Variants in MSH4 observed in about 807,000 individuals in gnomAD.
The protein encoded by MSH4 is mutS homolog 4.
In MSH4, 106 loss-of-function variants were observed where a neutral mutation model predicts 113.7. The ratio of observed to expected loss-of-function variants is 0.93; its 90% CI spans 0.80 to 1.10. The LOEUF (loss-of-function observed/expected upper bound fraction) is 1.10. Among genes scored for constraint, MSH4 ranks in the 50% least tolerant of loss-of-function variants. The pLI, the probability that MSH4 is intolerant of heterozygous loss-of-function variation, is 0.00. For synonymous variants in MSH4, 368 were observed against 380.2 expected, an observed-to-expected ratio of 0.97 and a Z score of 0.37; for missense variants, 1,061 against 1,093.7, an observed-to-expected ratio of 0.97 and a Z score of 0.42.
At chr1:75,822,902 T>A (rs1251274) in intron 7 of MSH4, among the ~76,000 whole-genome samples, 1 of 151,980 alleles carries the variant, frequency 6.6e-6, no homozygotes, top group Non-Finnish European at 1.5e-5. Flanking sequence ...GAAGATTTGT[T>A]CAGACTACGT....
chr1:75,862,214 G>T (rs1437616161), intron 8 of MSH4, among the ~76,000 whole-genome samples: 5 of 152,184 alleles, frequency 3.3e-5, no homozygotes, highest in Non-Finnish European at 7.4e-5. Context: ...CTAGGAAAGA[G>T]AAATCCCCCC....
At chr1:75,902,387 G>T (rs1277880255) in intron 19 of MSH4, among the ~76,000 whole-genome samples, 1 of 151,688 alleles carries the variant, frequency 6.6e-6, no homozygotes, top group Non-Finnish European at 1.5e-5. Flanking sequence ...CCCAGTGACA[G>T]TTATTTCCAT....
rs764272627 is a variant in MSH4 at position 75,822,469 on chromosome 1, A to G, written c.1050A>G (p.Arg350=). 2 of 1,587,196 alleles carry G rather than the reference A, an allele frequency of 1.3e-6. No homozygotes were observed. Among genetic ancestry groups the G allele is most frequent in the Non-Finnish European group, 1.7e-6 (2 of 1,168,728 alleles). Residue 350 remains arginine (R), a synonymous_variant, in exon 7 of 20, where the codon CGA becomes CGG. Transcript: ENST00000263187. ...NYTKTPGGSR[R]LRSNILEPLV... Reference sequence around the variant, plus strand: ...CTAAGACTCCTGGAGGGAGTAGACGACTTCGTTCTAATATATTAGAGCCTC... The same window carrying G: ...CTAAGACTCCTGGAGGGAGTAGACGGCTTCGTTCTAATATATTAGAGCCTC...
At position 75,855,748 on chromosome 1, in the gene MSH4, A is replaced by C. The variant is rs372492117; in HGVS notation, c.1230+7472A>C. Among the ~76,000 whole-genome samples the C allele has an allele frequency of 3.9e-4, 60 of 152,308 alleles. 1 individual carries two copies. Among genetic ancestry groups the C allele is most frequent in the African/African-American group, 1.4e-3 (59 of 41,570 alleles). ...CACTCCAGTATTACATCATTGTAACAATTACTAACCTCTGGAATGACCCTA... is the reference window on the plus strand; with the variant it reads ...CACTCCAGTATTACATCATTGTAACCATTACTAACCTCTGGAATGACCCTA... On this transcript the variant is annotated intron_variant, in intron 8 of 19. Coordinates refer to ENST00000263187, the MANE Select transcript of MSH4 (RefSeq NM_002440.4).
chr1:75,874,853 T>C (rs1026991475), intron 9 of MSH4, among the ~76,000 whole-genome samples: 10 of 152,044 alleles, frequency 6.6e-5, no homozygotes, highest in African/African-American at 2.2e-4. Flanking sequence ...ACTTTCAGAG[T>C]CTGTCAGTAA....
In MSH4 at chr1:75,867,411, A is replaced by ACC; in HGVS notation, c.1231-103_1231-102insCC. On this transcript the variant is annotated intron_variant, in intron 8 of 19. Coordinates refer to ENST00000263187, the MANE Select transcript of MSH4 (RefSeq NM_002440.4). ...GCATTGCGGCTAGGCTGATATATAA[A>ACC]AATATATGGGATATGGAAAGAGTAA... The ACC allele has an allele frequency of 4.3e-6, 3 of 692,180 alleles. 1 individual carries two copies. The African/African-American group carries it at 6.6e-5, about 15-fold the overall frequency. The allele number at this position is 692,180 out of a possible 1,614,324, so 42.9% of individuals were successfully genotyped here.
intron 8 of MSH4, among the ~76,000 whole-genome samples, chr1:75,866,846 CA>C (rs1651572792): frequency 6.6e-6 from 1 of 151,936 alleles, no homozygotes; most frequent in African/African-American, 2.4e-5. Flanking sequence ...ATCTTCATAT[CA>C]AGTACATTAT....
intron 15 of MSH4, among the ~76,000 whole-genome samples, chr1:75,885,316 GGGGTGTGT>G (rs1422722350): frequency 5.2e-5 from 4 of 77,002 alleles, no homozygotes; most frequent in African/African-American, 8.9e-5. Context: ...ACTCACACTG[GGGGTGTGT>G]GTGTGTGTGT....
chr1:75,849,397 A>G lies in MSH4; in HGVS notation c.1230+1121A>G, dbSNP rs372925702. Among the ~76,000 whole-genome samples, 59 of 152,346 alleles carry G rather than the reference A, an allele frequency of 3.9e-4. 1 individual carries two copies. The highest frequency in any genetic ancestry group is 1.4e-3 in the African/African-American group (58 of 41,582). ...ATATTTACTATAATGAAATACAGGT[A>G]TATTTTTGCCCATATGCATAAAAAG... On this transcript the variant is annotated intron_variant, in intron 8 of 19. Coordinates refer to ENST00000263187, the MANE Select transcript of MSH4 (RefSeq NM_002440.4).
chr1:75,803,684 G>A lies in MSH4; in HGVS notation c.245-47G>A, dbSNP rs770252527. On this transcript the variant is annotated intron_variant, in intron 1 of 19. Coordinates refer to ENST00000263187, the MANE Select transcript of MSH4 (RefSeq NM_002440.4). ...AAATTATAATGACTAATACATCATT[G>A]CATAATTCAAATCTTTAAGAATTGA... 4 of 1,333,210 alleles carry A rather than the reference G, an allele frequency of 3.0e-6. No homozygotes were observed. In the East Asian group the frequency reaches 9.8e-5, roughly 33 times the overall value. The allele number at this position is 1,333,210 out of a possible 1,614,324, so 82.6% of individuals were successfully genotyped here. A position where few individuals can be genotyped will look rare whatever the true frequency, so the allele number is the denominator to read the frequency against.
chr1:75,869,027 G>A (rs561541315), intron 9 of MSH4, among the ~76,000 whole-genome samples: 23 of 152,280 alleles, frequency 1.5e-4, no homozygotes, highest in South Asian at 8.3e-4. Context: ...GGAACAGTTC[G>A]GAGGGCTCAG....
At chr1:75,822,261 A>T in intron 6 of MSH4, 148 bp from the exon 7 acceptor site, 1 of 483,274 alleles carries the variant, frequency 2.1e-6, no homozygotes, top group Non-Finnish European at 3.5e-6. Context: ...TGTACTCCAT[A>T]CTGGGAGAGA....
chr1:75,882,740 G>A (rs1324531919), intron 14 of MSH4, among the ~76,000 whole-genome samples: 1 of 151,420 alleles, frequency 6.6e-6, no homozygotes, highest in Non-Finnish European at 1.5e-5. Flanking sequence ...TTGAAAGGCT[G>A]AGGCAGGCAG....
At chr1:75,880,201 T>C in intron 13 of MSH4, 48 bp downstream of exon 13, 2 of 961,586 alleles carry the variant, frequency 2.1e-6, no homozygotes, top group Non-Finnish European at 3.2e-6. Context: ...TGGTTTAATT[T>C]GAGAAACTGT....
intron 6 of MSH4, among the ~76,000 whole-genome samples, chr1:75,818,257 C>T (rs942363337): frequency 5.3e-5 from 8 of 152,172 alleles, no homozygotes; most frequent in Non-Finnish European, 8.8e-5. Flanking sequence ...AATCCAGACT[C>T]TTTGGCCTAT....
chr1:75,806,252 T>C (rs1650056993), intron 2 of MSH4, among the ~76,000 whole-genome samples: 1 of 128,538 alleles, frequency 7.8e-6, no homozygotes, highest in African/African-American at 3.0e-5. Flanking sequence ...TTTTTTTTTT[T>C]TTTTTTTTTT....
chr1:75,860,041 T>G (rs942449523), intron 8 of MSH4, among the ~76,000 whole-genome samples: 8 of 152,194 alleles, frequency 5.3e-5, no homozygotes, highest in Admixed American at 2.6e-4. Context: ...TTTTTTATCT[T>G]TGTTGGTTTC....
chr1:75,890,860 C>T, intron 17 of MSH4, 36 bp downstream of exon 17: 1 of 1,425,810 alleles, frequency 7.0e-7, no homozygotes, highest in South Asian at 1.3e-5. Context: ...ATTTTGAGTC[C>T]TTCTTTATGT....
At chr1:75,844,490 C>T (rs1396185607) in intron 7 of MSH4, among the ~76,000 whole-genome samples, 4 of 152,064 alleles carry the variant, frequency 2.6e-5, no homozygotes, top group Non-Finnish European at 5.9e-5. Context: ...TCCCACATGG[C>T]TGATTGTTGT....
Sources: allele counts gnomAD v4.1 joint callset (sites outside exome capture counted in the v4.1 genomes callset), GRCh38; gene constraint gnomAD v4.1.1; transcripts MANE v1.5; gene names NCBI Gene and HGNC (gene_info 2026-07-23, HGNC 2026-07-21).